Variants in LAD1 observed in about 807,000 individuals in gnomAD.
LAD1 encodes the protein ladinin-1.
LAD1 carries 53 observed loss-of-function variants against 54.2 expected under a neutral mutation model. The observed-to-expected ratio is 0.98, with a 90% CI of 0.78 to 1.23. LAD1 has a LOEUF of 1.23. Ranked by LOEUF, LAD1 falls within the 50% of genes most tolerant of loss-of-function variation. The pLI is 0.00. For synonymous variants in LAD1, 231 were observed against 257.7 expected (o/e 0.90, Z 0.99); for missense variants, 637 against 653.3 (o/e 0.98, Z 0.27).
intron 8 of LAD1, among the ~76,000 whole-genome samples, 153 bp downstream of exon 8, chr1:201,382,500 C>A (rs1044260272): frequency 6.6e-6 from 1 of 150,656 alleles, no homozygotes; most frequent in African/African-American, 2.5e-5. Flanking sequence ...CATCTATTCC[C>A]GACTGCCTCC....
intron 2 of LAD1, among the ~76,000 whole-genome samples, chr1:201,388,550 G>A (rs1662138340): frequency 6.6e-6 from 1 of 151,886 alleles, no homozygotes; most frequent in African/African-American, 2.4e-5. Flanking sequence ...GGCTGTGGTG[G>A]TGGGTGCCTG....
At chr1:201,397,566 C>G (rs569786056) in intron 1 of LAD1, among the ~76,000 whole-genome samples, 15 of 151,970 alleles carry the variant, frequency 9.9e-5, no homozygotes, top group South Asian at 4.2e-4. Flanking sequence ...CACACACCCC[C>G]CCATGCATAT....
At position 201,387,122 on chromosome 1, in the gene LAD1, T is replaced by G; in HGVS notation, c.239A>C (p.Asp80Ala). The change falls in exon 3 of 10, where the codon GAT becomes GCT. Residue 80 changes from aspartate (D) to alanine (A), a missense_variant. Asp to Ala is a moderately radical substitution (Grantham distance 126, BLOSUM62 -2). Transcript: ENST00000391967. ...GATGCTCTGGATGTCCTCGTCCTCA[T>G]CTTTGGAGGCTGGGGGCAGTGGCTT... ...VPKPLPPASK[D>A]EDEDIQSILR... is the part of the protein sequence containing the mutation. The G allele has an allele frequency of 6.4e-7, 1 of 1,564,224 alleles. No individual in the cohort carries two copies.
At position 201,382,428 on chromosome 1, in the gene LAD1, C is replaced by T. The variant is rs1558269032; in HGVS notation, c.1474-102G>A. 4 of 1,014,078 alleles carry T rather than the reference C, an allele frequency of 3.9e-6. No homozygotes were observed. In the East Asian group the frequency reaches 9.5e-5, roughly 24 times the overall value. 62.8% of individuals were successfully genotyped at this position (1,014,078 alleles called of 1,614,324 possible). ...CCCAGCCCAGGATGTCCTTTCTCTT[C>T]CCAAAAGAGAAAAGGAACCCAGACC... On this transcript the variant is annotated intron_variant, in intron 8 of 9. Transcript: ENST00000391967.
intron 1 of LAD1, among the ~76,000 whole-genome samples, chr1:201,394,809 GA>G (rs1449724396): frequency 1.3e-5 from 2 of 152,208 alleles, no homozygotes; most frequent in African/African-American, 4.8e-5. Context: ...AAATACTGGG[GA>G]AAGTGGCCCA....
rs3738281 is a variant in LAD1 at position 201,389,176 on chromosome 1, C to A, written c.166G>T (p.Ala56Ser). 199,556 of 1,613,932 alleles carry A rather than the reference C, an allele frequency of 0.12. 14,381 individuals carry two copies. Among genetic ancestry groups the A allele is most frequent in the African/African-American group, 0.32 (23,893 of 75,004 alleles). Residue 56 changes from alanine (A) to serine (S), a missense_variant, in exon 2 of 10, where the codon GCC becomes TCC. By Grantham distance (99) the Ala-to-Ser change is moderately conservative (BLOSUM62 1). Transcript: ENST00000391967. The part of the protein sequence containing the change: ...PRLSQNGDRQ[A>S]SASERLPSVE... ...AGCACCTACCTCTCAGAAGCAGAGGCCTGCCGGTCTCCATTCTGGCTGAGC... is the reference window on the plus strand; with the variant it reads ...AGCACCTACCTCTCAGAAGCAGAGGACTGCCGGTCTCCATTCTGGCTGAGC...
chr1:201,398,019 G>A (rs1662331244), intron 1 of LAD1, among the ~76,000 whole-genome samples: 1 of 152,156 alleles, frequency 6.6e-6, no homozygotes, highest in South Asian at 2.1e-4. Context: ...CATTCGTGGG[G>A]CTTACCTTTT....
intron 1 of LAD1, among the ~76,000 whole-genome samples, chr1:201,393,217 G>C (rs920825352): frequency 2.0e-5 from 3 of 152,116 alleles, no homozygotes; most frequent in Admixed American, 2.0e-4. Flanking sequence ...TGCAGCCAGG[G>C]AGCTGGAAGG....
Position 201,380,999 on chromosome 1 carries a change from TG to T in LAD1, c.*888del, listed in dbSNP as rs1661943131. The T allele has an allele frequency of 7.6e-6, 1 of 131,014 alleles. No homozygotes were observed. The highest frequency in any genetic ancestry group is 1.6e-5 in the Non-Finnish European group (1 of 61,434). 8.1% of individuals were successfully genotyped at this position (131,014 alleles called of 1,614,324 possible). ...AGGTCCAGAGCATGGGGGTGGGGGT[TG>T]GAGGGGGCTTGTGGGGAAGGAGGGT... On this transcript the variant is annotated 3_prime_UTR_variant, in exon 10 of 10. Transcript: ENST00000391967.
chr1:201,385,643 C>G, intron 4 of LAD1, 58 bp downstream of exon 4: 1 of 1,242,894 alleles, frequency 8.0e-7, no homozygotes, highest in South Asian at 1.2e-5. Context: ...GTAATGGATG[C>G]GGGCTTCCTC....
chr1:201,385,633 G>T (rs1319578675), intron 4 of LAD1, 68 bp downstream of exon 4: 7 of 1,156,390 alleles, frequency 6.1e-6, no homozygotes, highest in Non-Finnish European at 7.9e-6. Context: ...CTCCTATGTT[G>T]TAATGGATGC....
chr1:201,383,190 G>A lies in LAD1; in HGVS notation c.1270C>T (p.Arg424Trp), dbSNP rs762400082. 17 of 1,613,868 alleles carry A rather than the reference G, an allele frequency of 1.1e-5. No homozygotes were observed. Among genetic ancestry groups the A allele is most frequent in the Middle Eastern group, 1.6e-4 (1 of 6,084 alleles). Residue 424 changes from arginine (R) to tryptophan (W), a missense_variant, in exon 7 of 10, where the codon CGG becomes TGG. By Grantham distance (101) the Arg-to-Trp change is moderately radical (BLOSUM62 -3). Transcript: ENST00000391967. ...AIRRSESVKS[R>W]GLPCTELFVA... Reference sequence around the variant, plus strand: ...AATAACTCAGTGCAAGGCAGACCCCGAGACTTGACAGATTCTGATCTCTGG... The same window carrying A: ...AATAACTCAGTGCAAGGCAGACCCCAAGACTTGACAGATTCTGATCTCTGG...
At position 201,382,694 on chromosome 1, in the gene LAD1, A is replaced by G; in HGVS notation, c.1432T>C (p.Trp478Arg). The G allele has an allele frequency of 6.2e-7, 1 of 1,608,636 alleles. No homozygotes were observed. The highest frequency in any genetic ancestry group is 1.7e-5 in the Admixed American group (1 of 59,354). ...CCAGATTCCTGGGTCCTGCTGATCC[A>G]CAGGTTGAGCCTTGATGTCACAACC... ...SGVVTSRLNL[W>R]ISRTQESGDQ... is the part of the protein sequence containing the mutation. The change falls in exon 8 of 10, where the codon TGG (tryptophan) becomes CGG (arginine). Residue 478 changes from tryptophan to arginine, a missense_variant. Trp to Arg is a moderately radical substitution (Grantham distance 101). Transcript: ENST00000391967.
intron 1 of LAD1, among the ~76,000 whole-genome samples, chr1:201,390,273 C>T (rs1427393681): frequency 1.3e-5 from 2 of 149,628 alleles, no homozygotes; most frequent in Admixed American, 6.7e-5. Context: ...AGGCCGGGCG[C>T]GGTGGCTCAC....
At position 201,389,220 on chromosome 1, in the gene LAD1, G is replaced by A. The variant is rs145182595; in HGVS notation, c.122C>T (p.Thr41Met). The A allele has an allele frequency of 2.4e-5, 38 of 1,614,204 alleles. No homozygotes were observed. Among genetic ancestry groups the A allele is most frequent in the African/African-American group, 1.3e-4 (10 of 75,068 alleles). Residue 41 changes from threonine to methionine, a missense_variant, in exon 2 of 10, where the codon ACG becomes ATG. Transcript: ENST00000391967. Reference protein sequence around the residue: ...RRRHRNLSSTTDDEAPRLSQN... With the variant: ...RRRHRNLSSTMDDEAPRLSQN... The stretch of plus-strand genomic sequence containing the variant: ...GCTGAGCCTGGGAGCCTCATCGTCC[G>A]TGGTGGAGCTCAGGTTGCGGTGCCG...
chr1:201,391,329 C>A (rs1662192819), intron 1 of LAD1: 1 of 364,838 alleles, frequency 2.7e-6, no homozygotes, highest in African/African-American at 2.1e-5. Context: ...GGCAACTCCA[C>A]CAGTCTATCC....
chr1:201,389,280 T>C lies in LAD1; in HGVS notation c.62A>G (p.Glu21Gly). The C allele has an allele frequency of 1.2e-6, 2 of 1,613,466 alleles. No homozygotes were observed. The highest frequency in any genetic ancestry group is 1.1e-5 in the South Asian group (1 of 91,060). The change falls in exon 2 of 10, where the codon GAG becomes GGG. Residue 21 changes from glutamate to glycine, a missense_variant. Glu to Gly is a moderately conservative substitution (Grantham distance 98). Coordinates refer to ENST00000391967, the MANE Select transcript of LAD1 (RefSeq NM_005558.4). ...CTCGCGCTCCTGTTCCTCCTCATCCTCCAGAGTCCTCTGCCGGGCAAGGCT... is the reference window on the plus strand; with the variant it reads ...CTCGCGCTCCTGTTCCTCCTCATCCCCCAGAGTCCTCTGCCGGGCAAGGCT... ...LSSLARQRTL[E>G]DEEEQERERR...
At position 201,389,200 on chromosome 1, in the gene LAD1, G is replaced by C. The variant is rs1662151483; in HGVS notation, c.142C>G (p.Leu48Val). 15 of 1,614,126 alleles carry C rather than the reference G, an allele frequency of 9.3e-6. No homozygotes were observed. Among genetic ancestry groups the C allele is most frequent in the Non-Finnish European group, 1.3e-5 (15 of 1,180,058 alleles). Residue 48 changes from leucine to valine, a missense_variant, in exon 2 of 10, where the codon CTC becomes GTC. Transcript: ENST00000391967. ...GCCTGCCGGTCTCCATTCTGGCTGA[G>C]CCTGGGAGCCTCATCGTCCGTGGTG... ...SSTTDDEAPR[L>V]SQNGDRQASA...
At chr1:201,385,673 C>G in intron 4 of LAD1, 28 bp downstream of exon 4, 2 of 1,546,692 alleles carry the variant, frequency 1.3e-6, no homozygotes, top group Non-Finnish European at 1.8e-6. Context: ...TCCAGTGGCT[C>G]GCAGACCAGG....
Sources: gnomAD v4.1 joint callset for allele counts (sites outside exome capture counted in the v4.1 genomes callset) on GRCh38, gnomAD v4.1.1 for gene constraint, MANE v1.5 for transcripts, NCBI Gene and HGNC (gene_info 2026-07-23, HGNC 2026-07-21) for gene names.